Variants in RCAN2 observed in about 807,000 individuals in gnomAD.
RCAN2 encodes the protein calcipressin-2.
Under a neutral mutation model 23.6 loss-of-function variants are expected in RCAN2, and 9 were observed. The observed-to-expected ratio is 0.38, with a 90% CI of 0.23 to 0.67. RCAN2 has a LOEUF of 0.67. Among genes scored for constraint, RCAN2 ranks in the 30% least tolerant of loss-of-function variants. The pLI is 0.51. For synonymous variants in RCAN2, 109 were observed against 115.7 expected, an observed-to-expected ratio of 0.94 and a Z score of 0.37; for missense variants, 273 against 302.3, an observed-to-expected ratio of 0.90 and a Z score of 0.72.
At chr6:46,483,352 C>T (rs977253280) in intron 1 of RCAN2, among the ~76,000 whole-genome samples, 3 of 152,136 alleles carry the variant, frequency 2.0e-5, no homozygotes, top group African/African-American at 4.8e-5. Flanking sequence ...TCTGCATACA[C>T]GTAGGGGCTA....
At chr6:46,411,885 A>G (rs1766561499) in intron 2 of RCAN2, among the ~76,000 whole-genome samples, 1 of 152,202 alleles carries the variant, frequency 6.6e-6, no homozygotes, top group Non-Finnish European at 1.5e-5. Context: ...AGGTATGATC[A>G]GAGTACAGTT....
At chr6:46,388,907 T>C (rs1215188583) in intron 2 of RCAN2, among the ~76,000 whole-genome samples, 1 of 152,132 alleles carries the variant, frequency 6.6e-6, no homozygotes, top group African/African-American at 2.4e-5. Context: ...GGCACGCGTA[T>C]ACCTATGTAA....
chr6:46,340,050 T>A (rs6934148), intron 2 of RCAN2, among the ~76,000 whole-genome samples: 64,106 of 151,980 alleles, frequency 0.42, 14,964 homozygotes, highest in East Asian at 0.6. Context: ...AAAGCAACTA[T>A]TCAAGATAAT....
At chr6:46,355,716 G>A (rs1447233794) in intron 2 of RCAN2, among the ~76,000 whole-genome samples, 2 of 152,224 alleles carry the variant, frequency 1.3e-5, no homozygotes, top group Admixed American at 6.5e-5. Context: ...TAAGAAACTA[G>A]CCAGTTTCAA....
intron 2 of RCAN2, among the ~76,000 whole-genome samples, chr6:46,292,028 T>C (rs1418173407): frequency 1.3e-5 from 2 of 152,190 alleles, no homozygotes; most frequent in African/African-American, 4.8e-5. Flanking sequence ...CATTCTGCAA[T>C]TGGAATTAAA....
chr6:46,359,196 G>A (rs1477378580), intron 2 of RCAN2, among the ~76,000 whole-genome samples: 5 of 152,192 alleles, frequency 3.3e-5, no homozygotes, highest in African/African-American at 1.2e-4. Flanking sequence ...GCTCTAAGGC[G>A]TAACAGGTGC....
intron 4 of RCAN2, among the ~76,000 whole-genome samples, chr6:46,242,421 C>T (rs988825616): frequency 5.3e-5 from 8 of 152,202 alleles, no homozygotes. Flanking sequence ...TAGCCCGAGT[C>T]CCATCTCACT....
rs113035473 is a variant in RCAN2, at chr6:46,224,870, T to C, written c.572-1569A>G. ...TTGTTACATATGTATACATGTGCCA[T>C]GTTGGTGTGCTACACCTGTTAACTC... On this transcript the variant is annotated intron_variant, in intron 4 of 4. Transcript: ENST00000371374. Among the ~76,000 whole-genome samples, 200 of 152,218 alleles carry C rather than the reference T, an allele frequency of 1.3e-3. 4 individuals are homozygous for C. The highest frequency in any genetic ancestry group is 4.6e-3 in the African/African-American group (190 of 41,524).
At chr6:46,288,182 G>A (rs939374535) in intron 2 of RCAN2, among the ~76,000 whole-genome samples, 6 of 152,202 alleles carry the variant, frequency 3.9e-5, no homozygotes, top group Admixed American at 1.3e-4. Context: ...CTGGGCCAGA[G>A]AGGACCTGCA....
At chr6:46,349,903 C>T (rs538037888) in intron 2 of RCAN2, among the ~76,000 whole-genome samples, 1 of 152,280 alleles carries the variant, frequency 6.6e-6, no homozygotes, top group Admixed American at 6.5e-5. Flanking sequence ...CCTGCTCTCA[C>T]CCTCACCGTG....
At chr6:46,374,017 T>C (rs576888303) in intron 2 of RCAN2, among the ~76,000 whole-genome samples, 201 of 152,320 alleles carry the variant, frequency 1.3e-3, no homozygotes, top group Non-Finnish European at 1.7e-3. Flanking sequence ...TAGAATTTAA[T>C]GTAAATTGTA....
intron 2 of RCAN2, among the ~76,000 whole-genome samples, chr6:46,437,227 C>T (rs1767399869): frequency 6.6e-6 from 1 of 152,164 alleles, no homozygotes; most frequent in Non-Finnish European, 1.5e-5. Flanking sequence ...TCTGGGCTTG[C>T]TCAATCCTTT....
chr6:46,446,070 TCTCCACTA>T (rs1767695444), intron 2 of RCAN2, among the ~76,000 whole-genome samples: 1 of 150,840 alleles, frequency 6.6e-6, no homozygotes, highest in Non-Finnish European at 1.5e-5. Flanking sequence ...TACAGGAAGG[TCTCCACTA>T]AGATTCAGCC....
intron 2 of RCAN2, among the ~76,000 whole-genome samples, chr6:46,250,702 G>C (rs1766681398): frequency 6.6e-6 from 1 of 152,200 alleles, no homozygotes. Flanking sequence ...GAATTATACT[G>C]TCAGGTTGAT....
At chr6:46,440,514 C>A (rs1435938965) in intron 2 of RCAN2, among the ~76,000 whole-genome samples, 1 of 151,946 alleles carries the variant, frequency 6.6e-6, no homozygotes, top group Non-Finnish European at 1.5e-5. Flanking sequence ...GATCACTGGA[C>A]ATCTTCTTTA....
chr6:46,263,529 G>GTGTGTC (rs1767205947), intron 2 of RCAN2, among the ~76,000 whole-genome samples: 1 of 62,306 alleles, frequency 1.6e-5, no homozygotes, highest in Admixed American at 1.3e-4. Flanking sequence ...GTATGTGTGT[G>GTGTGTC]TGTGTGTGTA....
At chr6:46,427,675 T>G (rs1252509938) in intron 2 of RCAN2, among the ~76,000 whole-genome samples, 1 of 152,334 alleles carries the variant, frequency 6.6e-6, no homozygotes, top group Non-Finnish European at 1.5e-5. Context: ...ACCCGGATTC[T>G]GAGTCACATG....
chr6:46,444,774 G>A (rs898620430), intron 2 of RCAN2, among the ~76,000 whole-genome samples: 6 of 152,132 alleles, frequency 3.9e-5, no homozygotes, highest in Non-Finnish European at 8.8e-5. Flanking sequence ...AGACCTCACT[G>A]CTATGCTTCT....
At chr6:46,298,331 G>T (rs1009390569) in intron 2 of RCAN2, among the ~76,000 whole-genome samples, 3 of 152,054 alleles carry the variant, frequency 2.0e-5, no homozygotes, top group African/African-American at 7.2e-5. Flanking sequence ...TCAGTGTAGG[G>T]CAATATTATG....
Sources: allele counts gnomAD v4.1 joint callset (sites outside exome capture counted in the v4.1 genomes callset), GRCh38; gene constraint gnomAD v4.1.1; transcripts MANE v1.5; gene names NCBI Gene and HGNC (gene_info 2026-07-23, HGNC 2026-07-21).